ANAPC5: variants seen among roughly 807,000 people sequenced by gnomAD.
ANAPC5 encodes anaphase-promoting complex subunit 5.
A neutral mutation model predicts 91.3 loss-of-function variants in ANAPC5; 60 were observed. That is an observed-to-expected ratio of 0.66 (90% confidence interval 0.53 to 0.81). The LOEUF (loss-of-function observed/expected upper bound fraction) is 0.81, where lower values mean the gene tolerates loss of function less well. ANAPC5 is among the 40% of genes least tolerant of loss of function. ANAPC5 has a pLI of 0.00. For synonymous variants in ANAPC5, 340 were observed against 364.1 expected, an observed-to-expected ratio of 0.93 and a Z score of 0.75; for missense variants, 690 against 931.5, an observed-to-expected ratio of 0.74 and a Z score of 3.37.
At chr12:121,339,054 C>CTTTTT (rs1259383557) in intron 5 of ANAPC5, among the ~76,000 whole-genome samples, 1 of 128,808 alleles carries the variant, frequency 7.8e-6, no homozygotes, top group African/African-American at 2.9e-5. Flanking sequence ...ACTTTTTTTT[C>CTTTTT]TTTTTTTTTT....
chr12:121,313,949 C>G (rs968781222), intron 15 of ANAPC5, among the ~76,000 whole-genome samples: 11 of 152,204 alleles, frequency 7.2e-5, no homozygotes, highest in African/African-American at 2.7e-4. Flanking sequence ...AAGAAAACCA[C>G]AGATCAACAT....
At position 121,328,389 on chromosome 12, in the gene ANAPC5, T is replaced by G; in HGVS notation, c.1231A>C (p.Lys411Gln). 2 of 1,613,978 alleles carry G rather than the reference T, an allele frequency of 1.2e-6. No homozygotes were observed. Among genetic ancestry groups the G allele is most frequent in the Non-Finnish European group, 1.7e-6 (2 of 1,180,014 alleles). The change falls in exon 10 of 17, where the codon AAA (lysine) becomes CAA (glutamine). Residue 411 changes from lysine to glutamine, a missense_variant. Lys to Gln is a moderately conservative substitution (Grantham distance 53). Around this residue, in one of 5 missense-constraint regions of ANAPC5, gnomAD observed 317 missense variants for 438.7 expected, o/e 0.72. Transcript: ENST00000261819. ...TCGATGAGCTCTGACAGGCTGTGTT[T>G]CCAGTGCAGGAGGTCGGAGTCCTTT... ...ALKDSDLLHW[K>Q]HSLSELIDIS...
At chr12:121,322,472 A>C (rs954084475) in intron 11 of ANAPC5, among the ~76,000 whole-genome samples, 1 of 152,188 alleles carries the variant, frequency 6.6e-6, no homozygotes, top group Non-Finnish European at 1.5e-5. Flanking sequence ...ATATATTTTT[A>C]TAAATTACTT....
At chr12:121,319,002 A>G (rs1385259268) in intron 13 of ANAPC5, among the ~76,000 whole-genome samples, 4 of 152,124 alleles carry the variant, frequency 2.6e-5, no homozygotes, top group South Asian at 2.1e-4. Flanking sequence ...CCTGGGCGAC[A>G]GAGTGAGACT....
intron 9 of ANAPC5, among the ~76,000 whole-genome samples, chr12:121,329,845 C>A (rs2136785636): frequency 6.6e-6 from 1 of 151,968 alleles, no homozygotes; most frequent in Non-Finnish European, 1.5e-5. Context: ...GAACTCCTGA[C>A]CTCAGGTGAT....
At chr12:121,330,755 G>T (rs1903013303) in intron 8 of ANAPC5, 83 bp from the exon 9 acceptor site, 2 of 1,105,846 alleles carry the variant, frequency 1.8e-6, no homozygotes, top group Non-Finnish European at 1.4e-6. Context: ...TCATAAGAAA[G>T]AATTTAAAAG....
In ANAPC5 at chr12:121,316,732, C is replaced by CAAAAAAAA. The variant is rs35989752; in HGVS notation, c.1893+1537_1893+1544dup. ...TGGGTGACAGAGCGAGACTCTGTCT[C>CAAAAAAAA]AAAAAAAAAAAAAAAAAAAAAAAAA... On this transcript the variant is annotated intron_variant, in intron 15 of 16. Transcript: ENST00000261819. 7.5e-3 allele frequency among the ~76,000 whole-genome samples: 213 copies of CAAAAAAAA among 28,280 alleles called. 2 individuals carry two copies. Among genetic ancestry groups the CAAAAAAAA allele is most frequent in the Middle Eastern group, 0.025 (1 of 40 alleles). The allele number at this position is 28,280 out of a possible 152,430, so 18.6% of individuals were successfully genotyped here. A position where few individuals can be genotyped will look rare whatever the true frequency, so the allele number is the denominator to read the frequency against.
intron 15 of ANAPC5, chr12:121,317,808 T>A (rs1452216888): frequency 6.6e-6 from 1 of 152,570 alleles, no homozygotes; most frequent in East Asian, 1.9e-4. Flanking sequence ...GCCTTCTATG[T>A]GTAGGGCCTA....
chr12:121,347,570 G>A, intron 2 of ANAPC5: 1 of 482,344 alleles, frequency 2.1e-6, no homozygotes, highest in Non-Finnish European at 3.7e-6. Flanking sequence ...AGTCCAGGCT[G>A]CGTTGAGCCC....
chr12:121,350,536 C>G (rs1435359143), intron 1 of ANAPC5, among the ~76,000 whole-genome samples: 1 of 152,196 alleles, frequency 6.6e-6, no homozygotes, highest in African/African-American at 2.4e-5. Context: ...AAAAAATTAG[C>G]CGGGCGTGGT....
chr12:121,352,219 A>G lies in ANAPC5; in HGVS notation c.122T>C (p.Leu41Pro), dbSNP rs1555275475. 1.2e-6 allele frequency: 2 copies of G among 1,614,108 alleles called. No homozygotes were observed. The highest frequency in any genetic ancestry group is 1.7e-6 in the Non-Finnish European group (2 of 1,179,998). Residue 41 changes from leucine to proline, a missense_variant, in exon 1 of 17, where the codon CTG becomes CCG. Leu to Pro is a moderately conservative substitution (Grantham distance 98). Coordinates refer to ENST00000261819, the MANE Select transcript of ANAPC5 (RefSeq NM_016237.5). Reference sequence around the variant, plus strand: ...CTCGCCTGTGCGGCTCATCTCGTTCAGCAGCACCAGCACCGCGATCTTGTA... The same window carrying G: ...CTCGCCTGTGCGGCTCATCTCGTTCGGCAGCACCAGCACCGCGATCTTGTA... ...TPYKIAVLVLLNEMSRTGEGA... is the reference protein window; with the variant it reads ...TPYKIAVLVLPNEMSRTGEGA...
At chr12:121,347,127 G>C in intron 2 of ANAPC5, 122 bp from the exon 3 acceptor site, 1 of 558,468 alleles carries the variant, frequency 1.8e-6, no homozygotes, top group Non-Finnish European at 3.0e-6. Context: ...TGTATAAAAT[G>C]GTGGCTCATA....
intron 16 of ANAPC5, 35 bp downstream of exon 16, chr12:121,309,666 T>C (rs1237125356): frequency 6.4e-7 from 1 of 1,571,286 alleles, no homozygotes; most frequent in Admixed American, 1.9e-5. Flanking sequence ...CTTTCTGGAA[T>C]AGCATTGCCT....
At chr12:121,320,668 T>C (rs1037847319) in intron 11 of ANAPC5, 4 of 359,132 alleles carry the variant, frequency 1.1e-5, no homozygotes, top group African/African-American at 4.1e-5. Flanking sequence ...AGTGGCGCGA[T>C]CTCGGCTCAT....
At chr12:121,335,851 T>C in intron 6 of ANAPC5, 128 bp from the exon 7 acceptor site, 1 of 715,638 alleles carries the variant, frequency 1.4e-6, no homozygotes, top group Non-Finnish European at 2.1e-6. Flanking sequence ...GGTCATAGTT[T>C]AGCTTAATCT....
rs543072413 is a variant in ANAPC5, at chr12:121,343,999, G to C, written c.590+1840C>G. Among the ~76,000 whole-genome samples the C allele has an allele frequency of 6.6e-5, 10 of 152,320 alleles. No homozygotes were observed. The East Asian group carries it at 1.5e-3, about 23-fold the overall frequency. On this transcript the variant is annotated intron_variant, in intron 4 of 16. Coordinates refer to ENST00000261819, the MANE Select transcript of ANAPC5 (RefSeq NM_016237.5). ...GCAATCTCAGATAACAGTAGTTAGGGAAGGAGAAGTAAAACAGCAAAAGGA... is the reference window on the plus strand; with the variant it reads ...GCAATCTCAGATAACAGTAGTTAGGCAAGGAGAAGTAAAACAGCAAAAGGA...
chr12:121,316,116 T>C (rs981473497), intron 15 of ANAPC5, among the ~76,000 whole-genome samples: 1 of 152,030 alleles, frequency 6.6e-6, no homozygotes, highest in African/African-American at 2.4e-5. Context: ...ACAACTTAGT[T>C]AAAAAACAGG....
At chr12:121,316,018 G>T (rs1449272351) in intron 15 of ANAPC5, among the ~76,000 whole-genome samples, 2 of 152,090 alleles carry the variant, frequency 1.3e-5, no homozygotes, top group East Asian at 3.9e-4. Flanking sequence ...CACAGAACAG[G>T]AGAAAATATT....
intron 1 of ANAPC5, among the ~76,000 whole-genome samples, chr12:121,350,803 A>G (rs1316995669): frequency 2.6e-5 from 4 of 152,198 alleles, no homozygotes; most frequent in Non-Finnish European, 5.9e-5. Flanking sequence ...AAACAAAAAC[A>G]GGACTAAGTA....
Sources: allele counts gnomAD v4.1 joint callset (sites outside exome capture counted in the v4.1 genomes callset), GRCh38; gene constraint gnomAD v4.1.1; regional missense constraint gnomAD v4.1.1; transcripts MANE v1.5; gene names NCBI Gene and HGNC (gene_info 2026-07-23, HGNC 2026-07-21).